GRID2: variants seen among roughly 807,000 people sequenced by gnomAD.
GRID2 encodes glutamate receptor ionotropic, delta-2.
GRID2 carries 33 observed loss-of-function variants against 114.8 expected under a neutral mutation model. The observed-to-expected ratio is 0.29, with a 90% confidence interval of 0.22 to 0.38. The LOEUF (loss-of-function observed/expected upper bound fraction) is 0.38, where lower values mean the gene tolerates loss of function less well. Among genes scored for constraint, GRID2 ranks in the 10% least tolerant of loss-of-function variants. The pLI is 1.00. For synonymous variants in GRID2, 505 were observed against 449.9 expected, an observed-to-expected ratio of 1.12 and a Z score of -1.55; for missense variants, 1,184 against 1,257.7, an observed-to-expected ratio of 0.94 and a Z score of 0.89.
chr4:93,352,051 A>G (rs1404998146), intron 8 of GRID2, among the ~76,000 whole-genome samples: 2 of 152,046 alleles, frequency 1.3e-5, no homozygotes, highest in Non-Finnish European at 2.9e-5. Context: ...AAAATAAGAC[A>G]GAAGCTCGAA....
intron 2 of GRID2, among the ~76,000 whole-genome samples, chr4:92,782,804 G>C (rs1739146108): frequency 1.3e-5 from 2 of 152,042 alleles, no homozygotes; most frequent in Admixed American, 6.6e-5. Context: ...GGCTAGGGAA[G>C]TGGTTTGGAG....
chr4:92,911,564 T>A (rs940301176), intron 2 of GRID2, among the ~76,000 whole-genome samples: 1 of 151,870 alleles, frequency 6.6e-6, no homozygotes, highest in Non-Finnish European at 1.5e-5. Context: ...TTTGTGCATA[T>A]CTTTTTTTTT....
At chr4:92,759,547 TAC>T (rs1275355185) in intron 2 of GRID2, among the ~76,000 whole-genome samples, 1 of 152,090 alleles carries the variant, frequency 6.6e-6, no homozygotes, top group African/African-American at 2.4e-5. Context: ...TTTGTTAACT[TAC>T]AGAGTAATAT....
At position 92,678,532 on chromosome 4, in the gene GRID2, G is replaced by C. The variant is rs145720247; in HGVS notation, c.244+88246G>C. On this transcript the variant is annotated intron_variant, in intron 2 of 15. Coordinates refer to ENST00000282020, the MANE Select transcript of GRID2 (RefSeq NM_001510.4). ...TTAGTCACTGGTGTCTGCTACTTGGGTATGGAAAGAAGATTAGTGTGGGTC... is the reference window on the plus strand; with the variant it reads ...TTAGTCACTGGTGTCTGCTACTTGGCTATGGAAAGAAGATTAGTGTGGGTC... 2.3e-4 allele frequency among the ~76,000 whole-genome samples: 35 copies of C among 152,024 alleles called. 1 individual carries two copies. Among genetic ancestry groups the C allele is most frequent in the Non-Finnish European group, 1.6e-4 (11 of 67,918 alleles).
chr4:93,349,887 A>T (rs1760624289), intron 8 of GRID2, among the ~76,000 whole-genome samples: 1 of 152,142 alleles, frequency 6.6e-6, no homozygotes, highest in Non-Finnish European at 1.5e-5. Context: ...TGATAAAATA[A>T]ATAAATGTAA....
intron 2 of GRID2, among the ~76,000 whole-genome samples, chr4:93,049,128 T>C (rs982791371): frequency 4.6e-5 from 7 of 152,162 alleles, no homozygotes; most frequent in Admixed American, 2.6e-4. Context: ...AATTAAGGGC[T>C]CCACAAAGCA....
intron 13 of GRID2, among the ~76,000 whole-genome samples, chr4:93,523,216 C>A (rs1396718849): frequency 6.6e-6 from 1 of 152,038 alleles, no homozygotes; most frequent in African/African-American, 2.4e-5. Context: ...AATGCAGTAT[C>A]CCCAGAAGAT....
chr4:93,787,379 G>C (rs1734613291), intron 1 of GRID2, among the ~76,000 whole-genome samples: 1 of 152,078 alleles, frequency 6.6e-6, no homozygotes, highest in South Asian at 2.1e-4. Flanking sequence ...AAAGCACATT[G>C]GGAGAAAATC....
Position 92,935,238 on chromosome 4 carries a change from A to G in GRID2, c.245-149757A>G, listed in dbSNP as rs1314246976. Among the ~76,000 whole-genome samples the G allele has an allele frequency of 2.7e-5, 4 of 147,170 alleles. 1 individual carries two copies. The highest frequency in any genetic ancestry group is 4.5e-5 in the Non-Finnish European group (3 of 66,446). ...AAGTGGGCAAAGGACATGAACAGAC[A>G]CTTCTCAAAAGAAGACATTTATGCA... On this transcript the variant is annotated intron_variant, in intron 2 of 15. Coordinates refer to ENST00000282020, the MANE Select transcript of GRID2 (RefSeq NM_001510.4).
intron 13 of GRID2, among the ~76,000 whole-genome samples, chr4:93,580,205 A>G (rs1010308019): frequency 1.3e-5 from 2 of 152,340 alleles, no homozygotes; most frequent in South Asian, 2.1e-4. Flanking sequence ...TGCTCTGCAC[A>G]GTCTCTAGAA....
At position 93,734,000 on chromosome 4, in the gene GRID2, C is replaced by T. The variant is rs1287737643; in HGVS notation, c.2361-35210C>T. 1.1e-4 allele frequency among the ~76,000 whole-genome samples: 16 copies of T among 152,108 alleles called. No individual in the cohort carries two copies. In the East Asian group the frequency reaches 2.5e-3, roughly 24 times the overall value. On this transcript the variant is annotated intron_variant, in intron 14 of 15. Transcript: ENST00000282020. ...AATGTATCCTTTCTCTATAAAGGTC[C>T]TTTAATCATGGTGGATAGGCTTTAT...
intron 1 of GRID2, among the ~76,000 whole-genome samples, chr4:92,531,756 A>G (rs1010482340): frequency 1.3e-5 from 2 of 151,838 alleles, no homozygotes; most frequent in Non-Finnish European, 2.9e-5. Flanking sequence ...AACCATAGCT[A>G]TGACAGATTT....
At chr4:93,725,668 C>T (rs948591943) in intron 14 of GRID2, among the ~76,000 whole-genome samples, 9 of 149,208 alleles carry the variant, frequency 6.0e-5, no homozygotes, top group East Asian at 1.9e-4. Flanking sequence ...TTTTAATGAT[C>T]ACCATTCTAA....
At chr4:93,659,905 T>G (rs1723334926) in intron 14 of GRID2, among the ~76,000 whole-genome samples, 1 of 151,532 alleles carries the variant, frequency 6.6e-6, no homozygotes, top group Non-Finnish European at 1.5e-5. Flanking sequence ...TGCCCTCTTT[T>G]CATAATGGAA....
intron 13 of GRID2, among the ~76,000 whole-genome samples, chr4:93,529,677 G>A (rs566623965): frequency 5.3e-5 from 8 of 151,864 alleles, no homozygotes; most frequent in South Asian, 2.1e-4. Context: ...AAGAGTGTGC[G>A]TGTGTGTGTG....
At chr4:93,248,749 C>T (rs1306779978) in intron 8 of GRID2, among the ~76,000 whole-genome samples, 1 of 152,120 alleles carries the variant, frequency 6.6e-6, no homozygotes, top group Non-Finnish European at 1.5e-5. Flanking sequence ...GGGTGACTCT[C>T]ATTCAAACTA....
chr4:92,582,830 T>C (rs1402195603), intron 1 of GRID2, among the ~76,000 whole-genome samples: 2 of 151,466 alleles, frequency 1.3e-5, no homozygotes, highest in Non-Finnish European at 2.9e-5. Context: ...CTACAAAAAA[T>C]TTAAAAATTA....
At chr4:93,657,519 A>G (rs1215387294) in intron 14 of GRID2, among the ~76,000 whole-genome samples, 1 of 152,174 alleles carries the variant, frequency 6.6e-6, no homozygotes, top group East Asian at 1.9e-4. Context: ...TCGTAATGTC[A>G]TCCTGGATAA....
intron 2 of GRID2, among the ~76,000 whole-genome samples, chr4:93,034,676 G>T (rs1240377259): frequency 4.0e-5 from 6 of 151,838 alleles, no homozygotes; most frequent in Admixed American, 1.3e-4. Context: ...TTCTTCCCTG[G>T]GCAAACTCTA....
Sources: gnomAD v4.1 joint callset for allele counts (sites outside exome capture counted in the v4.1 genomes callset) on GRCh38, gnomAD v4.1.1 for gene constraint, MANE v1.5 for transcripts, NCBI Gene and HGNC (gene_info 2026-07-23, HGNC 2026-07-21) for gene names.